Variants in STRIT1 observed in about 807,000 individuals in gnomAD.
STRIT1 encodes small transmembrane regulator of ion transport 1, also known as sarcoplasmic/endoplasmic reticulum calcium ATPase regulator DWORF.
chr3:155,291,204 G>C (rs1446497809), intron 1 of STRIT1, 166 bp from the exon 2 acceptor site: 1 of 379,026 alleles, frequency 2.6e-6, no homozygotes, highest in Non-Finnish European at 4.7e-6. Flanking sequence ...ACGTGAGACT[G>C]TCATAAACCC....
At chr3:155,292,781 C>T (rs1715666349) in intron 1 of STRIT1, among the ~76,000 whole-genome samples, 1 of 152,126 alleles carries the variant, frequency 6.6e-6, no homozygotes, top group African/African-American at 2.4e-5. Flanking sequence ...ATCTCTTAAA[C>T]ATGAAGTGTA....
At chr3:155,292,068 A>T (rs1003074126) in intron 1 of STRIT1, among the ~76,000 whole-genome samples, 2 of 152,322 alleles carry the variant, frequency 1.3e-5, no homozygotes, top group South Asian at 4.1e-4. Flanking sequence ...TGAAATTTTT[A>T]AAAATGCTAT....
At chr3:155,292,563 G>A (rs1177126488) in intron 1 of STRIT1, among the ~76,000 whole-genome samples, 3 of 151,984 alleles carry the variant, frequency 2.0e-5, no homozygotes, top group South Asian at 4.1e-4. Flanking sequence ...AGCCCTAAAA[G>A]TATCTCATTA....
In STRIT1 at chr3:155,290,393, CTTTTTTTTTTTT is replaced by C. The variant is rs5853720; in HGVS notation, c.*446_*457del. The C allele has an allele frequency of 1.7e-5, 1 of 59,590 alleles. No homozygotes were observed. Among genetic ancestry groups the C allele is most frequent in the African/African-American group, 6.6e-5 (1 of 15,074 alleles). The allele number at this position is 59,590 out of a possible 1,614,324, so 3.7% of individuals were successfully genotyped here. A position where few individuals can be genotyped will look rare whatever the true frequency, so the allele number is the denominator to read the frequency against. On this transcript the variant is annotated 3_prime_UTR_variant, in exon 3 of 3. Coordinates refer to ENST00000489090, the MANE Select transcript of STRIT1 (RefSeq NM_001352129.2). ...TTTTTATCTCTAGCCCATTTTCTTTCTTTTTTTTTTTTTTTTTTTTTTTTTTTGTAGAGATGG... is the reference window on the plus strand; with the variant it reads ...TTTTTATCTCTAGCCCATTTTCTTTCTTTTTTTTTTTTTTTGTAGAGATGG...
At chr3:155,291,812 T>C (rs1290819935) in intron 1 of STRIT1, among the ~76,000 whole-genome samples, 1 of 152,152 alleles carries the variant, frequency 6.6e-6, no homozygotes, top group Non-Finnish European at 1.5e-5. Context: ...AAGTATGCAC[T>C]GCATGTAACT....
At position 155,290,231 on chromosome 3, in the gene STRIT1, T is replaced by C. The variant is rs1180532945; in HGVS notation, c.*620A>G. On this transcript the variant is annotated 3_prime_UTR_variant, in exon 3 of 3. Coordinates refer to ENST00000489090, the MANE Select transcript of STRIT1 (RefSeq NM_001352129.2). The stretch of plus-strand genomic sequence containing the variant: ...GCACACAGTCTTACCAACTCATATG[T>C]TGTCAAACATCTTTATTTTTTTCCC... The C allele has an allele frequency of 6.6e-6, 1 of 152,108 alleles. No individual in the cohort carries two copies. Among genetic ancestry groups the C allele is most frequent in the African/African-American group, 2.4e-5 (1 of 41,400 alleles). The allele number at this position is 152,108 out of a possible 1,614,324, so 9.4% of individuals were successfully genotyped here.
rs778677937 is a variant in STRIT1 at position 155,290,661 on chromosome 3, G to A, written c.*190C>T. On this transcript the variant is annotated 3_prime_UTR_variant, in exon 3 of 3. Transcript: ENST00000489090. ...AAACATTTTTCTCACTCAGAATATAGAGAAATTCACTCATAATTTCTTATT... is the reference window on the plus strand; with the variant it reads ...AAACATTTTTCTCACTCAGAATATAAAGAAATTCACTCATAATTTCTTATT... 4.2e-5 allele frequency: 10 copies of A among 238,478 alleles called. No homozygotes were observed. Among genetic ancestry groups the A allele is most frequent in the Admixed American group, 3.3e-4 (6 of 17,922 alleles). The allele number at this position is 238,478 out of a possible 1,614,324, so 14.8% of individuals were successfully genotyped here.
intron 1 of STRIT1, chr3:155,291,310 A>G (rs1212519962): frequency 3.7e-6 from 1 of 271,792 alleles, no homozygotes; most frequent in African/African-American, 2.2e-5. Flanking sequence ...TGAATAATGA[A>G]ACTTGTGCTC....
In STRIT1 at chr3:155,290,955, CA is replaced by C. The variant is rs1715620667; in HGVS notation, c.96del (p.Val33SerfsTer15). On this transcript the variant is annotated frameshift_variant, in exon 2 of 3. Transcript: ENST00000489090. LOFTEE classifies it high-confidence loss of function. ...WIVGCIIMIY[V>X]VFS ...AAACCCTTACCTTTCTAAGAGAAGA[CA>C]ACATAAATCATTATGATGCAGCCCA... 2.5e-6 allele frequency: 1 copy of C among 398,490 alleles called. No individual in the cohort carries two copies. The highest frequency in any genetic ancestry group is 4.4e-6 in the Non-Finnish European group (1 of 225,810). 24.7% of individuals were successfully genotyped at this position (398,490 alleles called of 1,614,324 possible).
intron 1 of STRIT1, 70 bp downstream of exon 1, chr3:155,293,550 C>T: frequency 2.5e-6 from 1 of 396,394 alleles, no homozygotes; most frequent in Non-Finnish European, 4.4e-6. Flanking sequence ...CACCAAGAAA[C>T]ATAAATGAAC....
At chr3:155,291,852 A>G (rs914601545) in intron 1 of STRIT1, among the ~76,000 whole-genome samples, 3 of 152,090 alleles carry the variant, frequency 2.0e-5, no homozygotes, top group Non-Finnish European at 1.5e-5. Context: ...ATACACAGGC[A>G]TACACACAGA....
rs1367027230 is a variant in STRIT1 at position 155,290,591 on chromosome 3, A to C, written c.*260T>G. 1.3e-5 allele frequency: 2 copies of C among 156,238 alleles called. No homozygotes were observed. Among genetic ancestry groups the C allele is most frequent in the African/African-American group, 4.8e-5 (2 of 41,516 alleles). The allele number at this position is 156,238 out of a possible 1,614,324, so 9.7% of individuals were successfully genotyped here. A position where few individuals can be genotyped will look rare whatever the true frequency, so the allele number is the denominator to read the frequency against. The stretch of plus-strand genomic sequence containing the variant: ...GGGATAATTTTTTGTAATGTGATTA[A>C]ATTTATCAAACTTTTTTTAATGACA... On this transcript the variant is annotated 3_prime_UTR_variant, in exon 3 of 3. Transcript: ENST00000489090.
chr3:155,290,363 G>A lies in STRIT1; in HGVS notation c.*488C>T, dbSNP rs1576715209. 1 of 107,664 alleles carries A rather than the reference G, an allele frequency of 9.3e-6. No homozygotes were observed. The highest frequency in any genetic ancestry group is 3.3e-5 in the African/African-American group (1 of 29,860). 6.7% of individuals were successfully genotyped at this position (107,664 alleles called of 1,614,324 possible). On this transcript the variant is annotated 3_prime_UTR_variant, in exon 3 of 3. Transcript: ENST00000489090. ...TTTTACATTATATGTTCTCTGAATT[G>A]TCTGTTTTTATCTCTAGCCCATTTT...
In STRIT1 at chr3:155,293,647, G is replaced by A. The variant is rs182968990; in HGVS notation, c.-15C>T. Reference sequence around the variant, plus strand: ...TTTTCAGCCATTATTCCTGTTGGTGGGTGGCTAGGTCAGGCCACGCTTACC... The same window carrying A: ...TTTTCAGCCATTATTCCTGTTGGTGAGTGGCTAGGTCAGGCCACGCTTACC... On this transcript the variant is annotated 5_prime_UTR_variant, in exon 1 of 3. Transcript: ENST00000489090. 173 of 397,616 alleles carry A rather than the reference G, an allele frequency of 4.4e-4. 1 individual carries two copies. Among genetic ancestry groups the A allele is most frequent in the African/African-American group, 3.0e-3 (143 of 48,296 alleles). 24.6% of individuals were successfully genotyped at this position (397,616 alleles called of 1,614,324 possible).
chr3:155,291,547 G>A lies in STRIT1; in HGVS notation c.14-509C>T, dbSNP rs1715638316. Among the ~76,000 whole-genome samples, 4 of 152,066 alleles carry A rather than the reference G, an allele frequency of 2.6e-5. No homozygotes were observed. The South Asian group carries it at 8.3e-4, about 31-fold the overall frequency. ...GGAAAGGTATTGAGAACTGTCCTTG[G>A]CCTCAATAGCTGAATGTAATTTTAA... On this transcript the variant is annotated intron_variant, in intron 1 of 2. Transcript: ENST00000489090.
In STRIT1 at chr3:155,293,615, C is replaced by G. The variant is rs1173711489; in HGVS notation, c.13+5G>C. 2.6e-6 allele frequency: 1 copy of G among 391,040 alleles called. No individual in the cohort carries two copies. The highest frequency in any genetic ancestry group is 4.5e-5 in the Admixed American group (1 of 22,018). 24.2% of individuals were successfully genotyped at this position (391,040 alleles called of 1,614,324 possible). A position where few individuals can be genotyped will look rare whatever the true frequency, so the allele number is the denominator to read the frequency against. On this transcript the variant is annotated splice_donor_5th_base_variant and intron_variant, in intron 1 of 2. Transcript: ENST00000489090. ...GCCAAGAGAATCCTATGCCTTAAAT[C>G]TTACCTTTTTCAGCCATTATTCCTG...
intron 1 of STRIT1, 57 bp downstream of exon 1, chr3:155,293,561 CAA>C (rs892294261): frequency 5.0e-6 from 2 of 396,470 alleles, no homozygotes; most frequent in Admixed American, 8.9e-5. Flanking sequence ...ATAAATGAAC[CAA>C]AGTCAAGAAG....
chr3:155,291,973 A>G (rs1384611520), intron 1 of STRIT1, among the ~76,000 whole-genome samples: 1 of 152,176 alleles, frequency 6.6e-6, no homozygotes, highest in Non-Finnish European at 1.5e-5. Context: ...GCAAAGCATA[A>G]TTAGATCTTA....
chr3:155,292,870 G>A (rs568612851), intron 1 of STRIT1, among the ~76,000 whole-genome samples: 17 of 152,214 alleles, frequency 1.1e-4, no homozygotes, highest in Non-Finnish European at 1.8e-4. Flanking sequence ...AGGACACTGT[G>A]CTCTGGAAAA....
Sources: gnomAD v4.1 joint callset for allele counts (sites outside exome capture counted in the v4.1 genomes callset) on GRCh38, gnomAD v4.1.1 for gene constraint, MANE v1.5 for transcripts, NCBI Gene and HGNC (gene_info 2026-07-23, HGNC 2026-07-21) for gene names.